PRKG1: variants seen among roughly 807,000 people sequenced by gnomAD.
The protein encoded by PRKG1 is protein kinase cGMP-dependent 1.
In PRKG1, 35 loss-of-function variants were observed where a neutral mutation model predicts 88.1. The observed-to-expected ratio is 0.40, with a 90% CI of 0.30 to 0.53. PRKG1 has a LOEUF of 0.53. PRKG1 is among the 20% of genes least tolerant of loss of function. The probability of loss-of-function intolerance (pLI) is 0.59; values close to 1 mark genes in which losing one functional copy is unlikely to be tolerated. For missense variants in PRKG1, 540 were observed against 839.8 expected (o/e 0.64, Z 4.41); for synonymous variants, 303 against 292.5 (o/e 1.04, Z -0.37).
chr10:51,823,294 G>A (rs1310924897), intron 4 of PRKG1, among the ~76,000 whole-genome samples: 2 of 152,092 alleles, frequency 1.3e-5, no homozygotes, highest in Middle Eastern at 3.2e-3. Context: ...TAGGAAGCAT[G>A]GATAGATCCA....
chr10:51,955,804 TTTTG>T (rs980384122), intron 5 of PRKG1, among the ~76,000 whole-genome samples: 1 of 152,168 alleles, frequency 6.6e-6, no homozygotes, highest in African/African-American at 2.4e-5. Context: ...TAAAGTGGTT[TTTTG>T]TTTGTTTGTT....
intron 4 of PRKG1, among the ~76,000 whole-genome samples, chr10:51,900,936 G>T (rs1051786867): frequency 2.6e-5 from 4 of 151,828 alleles, no homozygotes; most frequent in South Asian, 4.2e-4. Context: ...TTAATTTAAA[G>T]AATTAAATTT....
chr10:51,378,756 A>G (rs955508476), intron 2 of PRKG1, among the ~76,000 whole-genome samples: 3 of 152,024 alleles, frequency 2.0e-5, no homozygotes, highest in Non-Finnish European at 4.4e-5. Flanking sequence ...CTCTGACTCA[A>G]TTTTCTCATC....
chr10:51,087,489 G>C (rs1343274023), intron 1 of PRKG1, among the ~76,000 whole-genome samples: 2 of 152,182 alleles, frequency 1.3e-5, no homozygotes, highest in Non-Finnish European at 2.9e-5. Flanking sequence ...ACAATGGCCT[G>C]AAGTGCTGCA....
chr10:51,947,360 G>C (rs185008596), intron 5 of PRKG1, among the ~76,000 whole-genome samples: 36 of 152,224 alleles, frequency 2.4e-4, no homozygotes, highest in Middle Eastern at 6.8e-3. Context: ...TCCAGGTGCC[G>C]TCTGTCACCC....
intron 1 of PRKG1, among the ~76,000 whole-genome samples, chr10:51,127,891 A>G (rs1402329915): frequency 2.0e-5 from 3 of 152,118 alleles, no homozygotes; most frequent in African/African-American, 7.2e-5. Flanking sequence ...TCTCACTCAT[A>G]AGTGGGAGTT....
chr10:52,176,044 A>G (rs1406536345), intron 9 of PRKG1, among the ~76,000 whole-genome samples: 1 of 151,912 alleles, frequency 6.6e-6, no homozygotes, highest in Non-Finnish European at 1.5e-5. Context: ...TGTGTTTTTG[A>G]GGCCTTATTC....
intron 4 of PRKG1, among the ~76,000 whole-genome samples, chr10:51,821,733 C>G (rs1423851128): frequency 6.6e-6 from 1 of 151,860 alleles, no homozygotes; most frequent in African/African-American, 2.4e-5. Context: ...AATGTCTGAA[C>G]TAATACATAT....
At chr10:51,644,397 A>G (rs1054899155) in intron 3 of PRKG1, among the ~76,000 whole-genome samples, 1 of 152,150 alleles carries the variant, frequency 6.6e-6, no homozygotes. Flanking sequence ...CCATTTGCTC[A>G]TTATTAGTTC....
rs138865407 is a variant in PRKG1 at position 51,319,232 on chromosome 10, G to T, written c.479-148491G>T. On this transcript the variant is annotated intron_variant, in intron 2 of 17. Coordinates refer to ENST00000373980, the MANE Select transcript of PRKG1 (RefSeq NM_006258.4). The stretch of plus-strand genomic sequence containing the variant: ...GTTAACGGACTTGGGCCAAGTCAGT[G>T]CTCTCTTTTCTGCTTCCATTTTATC... Among the ~76,000 whole-genome samples, 6 of 152,266 alleles carry T rather than the reference G, an allele frequency of 3.9e-5. No homozygotes were observed. The East Asian group carries it at 1.2e-3, about 29-fold the overall frequency.
intron 4 of PRKG1, among the ~76,000 whole-genome samples, chr10:51,903,046 T>C (rs547487726): frequency 1.3e-5 from 2 of 152,240 alleles, no homozygotes; most frequent in South Asian, 2.1e-4. Context: ...TGTACCTAGG[T>C]TTTCCCCCTC....
intron 2 of PRKG1, among the ~76,000 whole-genome samples, chr10:51,191,745 C>G (rs749051995): frequency 1.3e-5 from 2 of 151,750 alleles, no homozygotes; most frequent in East Asian, 1.9e-4. Context: ...ACGTAAGTAT[C>G]AGAGCCACTA....
chr10:51,039,066 T>C (rs918631776), intron 1 of PRKG1, among the ~76,000 whole-genome samples: 8 of 152,162 alleles, frequency 5.3e-5, no homozygotes, highest in Admixed American at 1.3e-4. Context: ...ATCTCTTCAG[T>C]ATACTGATTT....
chr10:51,942,051 A>C (rs1297901182), intron 5 of PRKG1, among the ~76,000 whole-genome samples: 2 of 152,050 alleles, frequency 1.3e-5, no homozygotes, highest in Non-Finnish European at 2.9e-5. Flanking sequence ...GGGTTGAACT[A>C]GTTTACAGTC....
intron 1 of PRKG1, among the ~76,000 whole-genome samples, chr10:51,084,201 T>G (rs1844188507): frequency 6.6e-6 from 1 of 152,158 alleles, no homozygotes; most frequent in African/African-American, 2.4e-5. Context: ...TCCAGCTTCA[T>G]GGAGTGCATT....
At chr10:52,205,628 T>A (rs1323416062) in intron 9 of PRKG1, among the ~76,000 whole-genome samples, 3 of 152,212 alleles carry the variant, frequency 2.0e-5, no homozygotes, top group African/African-American at 7.2e-5. Context: ...TTCTTTAGCA[T>A]CTGCTAGTCT....
intron 7 of PRKG1, among the ~76,000 whole-genome samples, chr10:52,132,317 T>C (rs1201191587): frequency 1.3e-5 from 2 of 150,632 alleles, no homozygotes; most frequent in Non-Finnish European, 3.0e-5. Context: ...AAATAATAAA[T>C]GCTTAAGAAT....
At chr10:52,090,824 A>C (rs1847037728) in intron 7 of PRKG1, among the ~76,000 whole-genome samples, 1 of 152,206 alleles carries the variant, frequency 6.6e-6, no homozygotes, top group African/African-American at 2.4e-5. Context: ...ATGAGTATTG[A>C]GGTATAAATA....
chr10:51,504,882 G>A (rs1312479020), intron 3 of PRKG1, among the ~76,000 whole-genome samples: 1 of 152,102 alleles, frequency 6.6e-6, no homozygotes, highest in Admixed American at 6.5e-5. Flanking sequence ...CTGAGACGAT[G>A]GGGTTTTCTA....
Sources: allele counts gnomAD v4.1 joint callset (sites outside exome capture counted in the v4.1 genomes callset), GRCh38; gene constraint gnomAD v4.1.1; transcripts MANE v1.5; gene names NCBI Gene and HGNC (gene_info 2026-07-23, HGNC 2026-07-21).